ROBO1: variants seen among roughly 807,000 people sequenced by gnomAD.
ROBO1 encodes the protein roundabout homolog 1.
In ROBO1, 149 loss-of-function variants were observed where a neutral mutation model predicts 195.9. The ratio of observed to expected loss-of-function variants is 0.76; its 90% CI spans 0.67 to 0.87. ROBO1 has a LOEUF of 0.87. ROBO1 is among the 40% of genes least tolerant of loss of function. The pLI, the probability that ROBO1 is intolerant of heterozygous loss-of-function variation, is 0.00. For synonymous variants in ROBO1, 816 were observed against 733.2 expected, an observed-to-expected ratio of 1.11 and a Z score of -1.82; for missense variants, 1,933 against 2,068.3, an observed-to-expected ratio of 0.93 and a Z score of 1.27.
At position 78,775,034 on chromosome 3, in the gene ROBO1, T is replaced by C. The variant is rs935491230; in HGVS notation, c.500-28134A>G. 1.7e-4 allele frequency among the ~76,000 whole-genome samples: 26 copies of C among 152,196 alleles called. 1 individual carries two copies. The highest frequency in any genetic ancestry group is 6.3e-4 in the African/African-American group (26 of 41,454). On this transcript the variant is annotated intron_variant, in intron 4 of 30. Transcript: ENST00000464233. Reference sequence around the variant, plus strand: ...CCAGTTTTCCTAAAAACTCTTACATTTAGTAGATTTGACATGTCTGATTTT... The same window carrying C: ...CCAGTTTTCCTAAAAACTCTTACATCTAGTAGATTTGACATGTCTGATTTT...
At chr3:79,054,770 A>C (rs1029682430) in intron 3 of ROBO1, among the ~76,000 whole-genome samples, 1 of 152,094 alleles carries the variant, frequency 6.6e-6, no homozygotes, top group African/African-American at 2.4e-5. Context: ...TCTAAGTATG[A>C]TATAGATGGA....
chr3:79,002,835 C>T (rs2077536504), intron 3 of ROBO1, among the ~76,000 whole-genome samples: 1 of 152,060 alleles, frequency 6.6e-6, no homozygotes, highest in Non-Finnish European at 1.5e-5. Context: ...GCTAATACTT[C>T]ACCTGTCTTT....
At chr3:78,902,133 T>C (rs996873135) in intron 4 of ROBO1, among the ~76,000 whole-genome samples, 1 of 152,128 alleles carries the variant, frequency 6.6e-6, no homozygotes, top group African/African-American at 2.4e-5. Flanking sequence ...TTTAAAGCTA[T>C]TGTAGGGGTA....
chr3:79,756,595 G>A (rs1704418479), intron 1 of ROBO1, among the ~76,000 whole-genome samples: 1 of 150,910 alleles, frequency 6.6e-6, no homozygotes, highest in Non-Finnish European at 1.5e-5. Context: ...TTTCTAAGGG[G>A]TAAGGATGTC....
chr3:78,619,623 GT>G (rs1704331134), intron 26 of ROBO1, among the ~76,000 whole-genome samples: 1 of 151,850 alleles, frequency 6.6e-6, no homozygotes, highest in Admixed American at 6.6e-5. Context: ...GTGGAGGGAG[GT>G]ATTTAAAAGC....
At chr3:79,613,600 G>A (rs1422816835) in intron 1 of ROBO1, among the ~76,000 whole-genome samples, 1 of 151,906 alleles carries the variant, frequency 6.6e-6, no homozygotes, top group Non-Finnish European at 1.5e-5. Flanking sequence ...GGCAAACATG[G>A]TCAGATTAGA....
intron 9 of ROBO1, 110 bp downstream of exon 9, chr3:78,688,538 T>A: frequency 8.6e-7 from 1 of 1,166,208 alleles, no homozygotes. Flanking sequence ...ATTTGCCAGT[T>A]CTCTTAATGT....
intron 1 of ROBO1, among the ~76,000 whole-genome samples, chr3:79,613,198 C>T (rs1944718009): frequency 6.6e-6 from 1 of 151,964 alleles, no homozygotes; most frequent in Non-Finnish European, 1.5e-5. Flanking sequence ...TTTAGCTACA[C>T]TGCTTTATTT....
chr3:79,497,958 T>C (rs536255779), intron 2 of ROBO1, among the ~76,000 whole-genome samples: 33 of 152,190 alleles, frequency 2.2e-4, no homozygotes, highest in Non-Finnish European at 4.4e-4. Context: ...ATAGTAGAAA[T>C]AATAAATAGC....
intron 1 of ROBO1, among the ~76,000 whole-genome samples, chr3:79,595,741 T>G (rs1485227839): frequency 2.6e-4 from 39 of 147,384 alleles, no homozygotes; most frequent in Admixed American, 2.6e-3. Flanking sequence ...TTTTTTTTTG[T>G]CGATATAGAG....
At chr3:78,731,786 A>T (rs115452120) in intron 5 of ROBO1, among the ~76,000 whole-genome samples, 1 of 152,286 alleles carries the variant, frequency 6.6e-6, no homozygotes, top group African/African-American at 2.4e-5. Flanking sequence ...AGAACTTAAG[A>T]ATTGCAAAAG....
chr3:78,614,744 C>T lies in ROBO1; in HGVS notation c.4339G>A (p.Asp1447Asn), dbSNP rs1704008510. Residue 1447 changes from aspartate (D) to asparagine (N), a missense_variant, in exon 28 of 31, where the codon GAC becomes AAC. Transcript: ENST00000464233. ...CPRPTSPVST[D>N]SNMSAAVMQK... ...ATTACGGCGGCACTCATGTTGCTGT[C>T]TGTAGACACGGGACTTGTGGGCCTA... The T allele has an allele frequency of 6.2e-7, 1 of 1,612,542 alleles. No homozygotes were observed. The highest frequency in any genetic ancestry group is 1.7e-5 in the Admixed American group (1 of 59,804).
chr3:78,978,730 G>A (rs1576502904), intron 3 of ROBO1, among the ~76,000 whole-genome samples: 1 of 152,144 alleles, frequency 6.6e-6, no homozygotes, highest in East Asian at 1.9e-4. Flanking sequence ...TAAAAAAGAA[G>A]TAAAGGGCCA....
chr3:78,599,934 G>C, intron 30 of ROBO1, 179 bp downstream of exon 30: 1 of 653,370 alleles, frequency 1.5e-6, no homozygotes, highest in Admixed American at 2.5e-5. Flanking sequence ...TTAAAACTTT[G>C]GGACACATTT....
chr3:79,090,396 G>A (rs550108228), intron 3 of ROBO1, among the ~76,000 whole-genome samples: 3 of 151,742 alleles, frequency 2.0e-5, no homozygotes, highest in Non-Finnish European at 4.4e-5. Flanking sequence ...CATTACTTTT[G>A]TTGTTTTAGA....
chr3:79,562,668 C>T (rs1311003782), intron 2 of ROBO1, among the ~76,000 whole-genome samples: 2 of 152,016 alleles, frequency 1.3e-5, no homozygotes, highest in African/African-American at 4.8e-5. Context: ...AATTGAAGTA[C>T]ATAGTCATAA....
intron 4 of ROBO1, among the ~76,000 whole-genome samples, chr3:78,852,514 G>T (rs1482288082): frequency 6.6e-6 from 1 of 152,136 alleles, no homozygotes; most frequent in Non-Finnish European, 1.5e-5. Flanking sequence ...TCAGCATCAT[G>T]ATTTAATTCA....
intron 1 of ROBO1, among the ~76,000 whole-genome samples, chr3:79,654,811 G>A (rs1439594177): frequency 2.0e-5 from 3 of 151,506 alleles, no homozygotes; most frequent in African/African-American, 7.3e-5. Context: ...TTGCTTTCTT[G>A]GATTGACTGT....
intron 3 of ROBO1, among the ~76,000 whole-genome samples, chr3:79,104,693 C>A (rs534398416): frequency 1.3e-5 from 2 of 151,738 alleles, no homozygotes; most frequent in Non-Finnish European, 3.0e-5. Context: ...GGTTACTTAG[C>A]CCAAGACTAC....
Sources: allele counts gnomAD v4.1 joint callset (sites outside exome capture counted in the v4.1 genomes callset), GRCh38; gene constraint gnomAD v4.1.1; transcripts MANE v1.5; gene names NCBI Gene and HGNC (gene_info 2026-07-23, HGNC 2026-07-21).